The following SLC35F1 variants were observed in gnomAD, a reference collection of about 807,000 sequenced individuals.
SLC35F1 encodes solute carrier family 35 member F1, also known as chromosome 6 open reading frame 169.
In SLC35F1, 14 loss-of-function variants were observed where a neutral mutation model predicts 48.7. The observed-to-expected ratio is 0.29, with a 90% CI of 0.19 to 0.45. The LOEUF (loss-of-function observed/expected upper bound fraction) is 0.45, where lower values mean the gene tolerates loss of function less well. Ranked by LOEUF, SLC35F1 falls within the 20% of genes least tolerant of loss-of-function variation. SLC35F1 has a pLI of 1.00. For missense variants in SLC35F1, 404 were observed against 500.0 expected (o/e 0.81, Z 1.83); for synonymous variants, 190 against 202.2 (o/e 0.94, Z 0.51).
At chr6:117,951,469 A>G (rs1158727816) in intron 1 of SLC35F1, among the ~76,000 whole-genome samples, 2 of 152,248 alleles carry the variant, frequency 1.3e-5, no homozygotes, top group Non-Finnish European at 1.5e-5. Flanking sequence ...AATGAGATTT[A>G]GTTGTTTAGT....
chr6:118,185,092 C>T (rs1483763379), intron 2 of SLC35F1, among the ~76,000 whole-genome samples: 3 of 152,126 alleles, frequency 2.0e-5, no homozygotes, highest in Non-Finnish European at 4.4e-5. Context: ...ACCACTCTGC[C>T]TAGATGTATC....
At chr6:118,273,832 G>C (rs2114628857) in intron 4 of SLC35F1, among the ~76,000 whole-genome samples, 1 of 152,252 alleles carries the variant, frequency 6.6e-6, no homozygotes, top group Middle Eastern at 3.4e-3. Context: ...CCCATTCTCA[G>C]CTCCATTCCC....
intron 7 of SLC35F1, among the ~76,000 whole-genome samples, chr6:118,289,991 G>T (rs1776101477): frequency 6.6e-6 from 1 of 152,082 alleles, no homozygotes; most frequent in African/African-American, 2.4e-5. Context: ...TTGTTTTGGG[G>T]GCCTGTCCTT....
intron 1 of SLC35F1, among the ~76,000 whole-genome samples, chr6:118,001,912 C>T (rs1216922271): frequency 6.6e-6 from 1 of 150,762 alleles, no homozygotes; most frequent in Non-Finnish European, 1.5e-5. Flanking sequence ...TACCATCTCA[C>T]ACCAGTTAGA....
Position 118,164,429 on chromosome 6 carries a change from A to C in SLC35F1, c.349+9809A>C, listed in dbSNP as rs191358600. Among the ~76,000 whole-genome samples, 12 of 152,308 alleles carry C rather than the reference A, an allele frequency of 7.9e-5. No homozygotes were observed. In the East Asian group the frequency reaches 2.3e-3, roughly 29 times the overall value. ...ACTAAATTAAAATATTATTTTAAAC[A>C]ATTAGGATCTGGGCTTTTCTTATTT... is the stretch of plus-strand genomic sequence containing the variant. On this transcript the variant is annotated intron_variant, in intron 2 of 7. Coordinates refer to ENST00000360388, the MANE Select transcript of SLC35F1 (RefSeq NM_001029858.4).
intron 7 of SLC35F1, among the ~76,000 whole-genome samples, chr6:118,312,672 G>GA (rs924777268): frequency 6.6e-6 from 1 of 151,972 alleles, no homozygotes; most frequent in Non-Finnish European, 1.5e-5. Context: ...AAGAAAGAAA[G>GA]AAAAAAACGC....
At chr6:118,305,692 T>C (rs780332026) in intron 7 of SLC35F1, among the ~76,000 whole-genome samples, 1 of 152,190 alleles carries the variant, frequency 6.6e-6, no homozygotes, top group Non-Finnish European at 1.5e-5. Context: ...TATTATATAA[T>C]GTTATCTTGT....
intron 1 of SLC35F1, among the ~76,000 whole-genome samples, chr6:118,133,575 G>A (rs1323643774): frequency 6.6e-6 from 1 of 152,154 alleles, no homozygotes; most frequent in Non-Finnish European, 1.5e-5. Flanking sequence ...CCAGAGAGAA[G>A]AACATTTTCT....
intron 1 of SLC35F1, among the ~76,000 whole-genome samples, chr6:118,074,376 G>T (rs1369510312): frequency 6.6e-6 from 1 of 152,154 alleles, no homozygotes; most frequent in East Asian, 1.9e-4. Flanking sequence ...CAACCTGACT[G>T]TCAGGTCTGT....
intron 6 of SLC35F1, among the ~76,000 whole-genome samples, chr6:118,283,330 T>G (rs1354260264): frequency 2.6e-5 from 4 of 152,208 alleles, no homozygotes; most frequent in South Asian, 2.1e-4. Flanking sequence ...GACATTCTCT[T>G]TAAGAAACAC....
intron 2 of SLC35F1, among the ~76,000 whole-genome samples, chr6:118,212,749 AGGAAGGAAG>A (rs1167321168): frequency 7.1e-6 from 1 of 141,658 alleles, no homozygotes; most frequent in East Asian, 2.0e-4. Context: ...GAAGGAAGGA[AGGAAGGAAG>A]GAAGGAAGGA....
chr6:118,212,267 A>T (rs1184810120), intron 2 of SLC35F1, among the ~76,000 whole-genome samples: 1 of 152,138 alleles, frequency 6.6e-6, no homozygotes, highest in African/African-American at 2.4e-5. Context: ...TATTATACAG[A>T]TGTCCCAGAA....
chr6:118,311,366 C>A (rs1312911421), intron 7 of SLC35F1, among the ~76,000 whole-genome samples: 1 of 152,052 alleles, frequency 6.6e-6, no homozygotes, highest in Non-Finnish European at 1.5e-5. Context: ...TAGTCTGAAA[C>A]TTCCCCATTA....
At chr6:118,286,255 C>T (rs1776047697) in intron 7 of SLC35F1, among the ~76,000 whole-genome samples, 1 of 152,180 alleles carries the variant, frequency 6.6e-6, no homozygotes, top group African/African-American at 2.4e-5. Context: ...TAGCCAAGTT[C>T]CTCACCAGTG....
chr6:117,915,668 C>T (rs754221171), intron 1 of SLC35F1, among the ~76,000 whole-genome samples: 2 of 152,056 alleles, frequency 1.3e-5, no homozygotes, highest in Non-Finnish European at 2.9e-5. Flanking sequence ...CTTAGATGCT[C>T]TAATAAGCAG....
intron 1 of SLC35F1, among the ~76,000 whole-genome samples, chr6:118,033,900 T>C (rs1370497934): frequency 1.3e-5 from 2 of 152,250 alleles, no homozygotes; most frequent in Non-Finnish European, 2.9e-5. Context: ...TTCATCGTTA[T>C]ATTTCAGATT....
intron 1 of SLC35F1, among the ~76,000 whole-genome samples, chr6:118,139,363 C>T (rs930201045): frequency 5.3e-5 from 8 of 152,156 alleles, no homozygotes; most frequent in African/African-American, 1.4e-4. Flanking sequence ...CCACCCGTCT[C>T]GGCCTCTCAA....
intron 3 of SLC35F1, among the ~76,000 whole-genome samples, chr6:118,258,677 T>A (rs1775675206): frequency 6.6e-6 from 1 of 151,948 alleles, no homozygotes; most frequent in South Asian, 2.1e-4. Context: ...CTACAGCAAT[T>A]AAAGCAACAT....
In SLC35F1 at chr6:118,171,977, C is replaced by A. The variant is rs533389615; in HGVS notation, c.349+17357C>A. 9.9e-5 allele frequency among the ~76,000 whole-genome samples: 15 copies of A among 152,170 alleles called. No homozygotes were observed. The South Asian group carries it at 2.5e-3, about 25-fold the overall frequency. On this transcript the variant is annotated intron_variant, in intron 2 of 7. Transcript: ENST00000360388. ...TGGATAATAATATAGGAATTTATAC[C>A]ATCCATAAACCTTTTATAGTAGTGT...
Sources: allele counts gnomAD v4.1 joint callset (sites outside exome capture counted in the v4.1 genomes callset), GRCh38; gene constraint gnomAD v4.1.1; transcripts MANE v1.5; gene names NCBI Gene and HGNC (gene_info 2026-07-23, HGNC 2026-07-21).